IDE: variants seen among roughly 807,000 people sequenced by gnomAD.
IDE encodes insulin degrading enzyme.
Under a neutral mutation model 133.2 loss-of-function variants are expected in IDE, and 58 were observed. That is an observed-to-expected ratio of 0.44 (90% CI 0.35 to 0.54). The LOEUF (loss-of-function observed/expected upper bound fraction) is 0.54. Ranked by LOEUF, IDE falls within the 20% of genes least tolerant of loss-of-function variation. The pLI, the probability that IDE is intolerant of heterozygous loss-of-function variation, is 0.00. For missense variants in IDE, 981 were observed against 1,234.0 expected (o/e 0.79, Z 3.07); for synonymous variants, 396 against 421.3 (o/e 0.94, Z 0.73).
intron 12 of IDE, among the ~76,000 whole-genome samples, chr10:92,489,026 A>C (rs904860929): frequency 6.6e-6 from 1 of 151,596 alleles, no homozygotes; most frequent in Non-Finnish European, 1.5e-5. Flanking sequence ...AAAAAAAAAA[A>C]CCAATTGTCA....
Position 92,510,077 on chromosome 10 carries a change from T to C in IDE, c.870A>G (p.Glu290=). The change falls in exon 6 of 25, where the codon GAA becomes GAG. Residue 290 remains glutamate (E), a synonymous_variant. Transcript: ENST00000265986. ...TAAGATGTTCTTCTTGGAAAGGGTG[T>C]TCAGGAAATTCTGGCAATGGAACAT... The part of the protein sequence containing the change: ...NKNVPLPEFP[E]HPFQEEHLKQ... The C allele has an allele frequency of 6.3e-7, 1 of 1,598,644 alleles. No homozygotes were observed. The highest frequency in any genetic ancestry group is 8.6e-7 in the Non-Finnish European group (1 of 1,167,774).
intron 21 of IDE, among the ~76,000 whole-genome samples, chr10:92,462,317 TAAA>T (rs57235158): frequency 4.0e-5 from 3 of 75,164 alleles, no homozygotes; most frequent in African/African-American, 5.0e-5. Flanking sequence ...AACTGTCTCA[TAAA>T]AAAAAAAAAA....
intron 12 of IDE, among the ~76,000 whole-genome samples, chr10:92,489,550 T>A (rs920548119): frequency 6.6e-6 from 1 of 152,022 alleles, no homozygotes; most frequent in African/African-American, 2.4e-5. Context: ...AAATTCCCAT[T>A]CAGGGCAGGT....
chr10:92,455,515 T>G, intron 24 of IDE, 61 bp downstream of exon 24: 1 of 1,046,082 alleles, frequency 9.6e-7, no homozygotes, highest in Admixed American at 2.1e-5. Context: ...AAAACCAAGC[T>G]GCTTCTTCTA....
intron 4 of IDE, among the ~76,000 whole-genome samples, chr10:92,530,125 C>T (rs1849835261): frequency 6.6e-6 from 1 of 151,968 alleles, no homozygotes; most frequent in African/African-American, 2.4e-5. Context: ...ACTCAGGAGG[C>T]TGAGGCAGGA....
At chr10:92,515,314 C>T (rs1472793209) in intron 4 of IDE, among the ~76,000 whole-genome samples, 1 of 146,850 alleles carries the variant, frequency 6.8e-6, no homozygotes, top group Admixed American at 6.9e-5. Flanking sequence ...GGCTGGAGTG[C>T]GGTGGTGTGA....
At chr10:92,491,616 T>TG (rs543332072) in intron 11 of IDE, among the ~76,000 whole-genome samples, 94 of 106,980 alleles carry the variant, frequency 8.8e-4, no homozygotes, top group African/African-American at 3.7e-3. Flanking sequence ...TTTGTTTTTG[T>TG]TTTTTTTTTT....
chr10:92,455,474 C>CCATTTCAAAAA (rs1844944454), intron 24 of IDE, 102 bp downstream of exon 24: 3 of 736,554 alleles, frequency 4.1e-6, no homozygotes, highest in Non-Finnish European at 7.2e-6. Flanking sequence ...GAGTGAGACT[C>CCATTTCAAAAA]CATTTCAAAA....
intron 1 of IDE, among the ~76,000 whole-genome samples, chr10:92,558,077 T>C (rs1056363107): frequency 3.3e-5 from 5 of 152,026 alleles, no homozygotes; most frequent in Non-Finnish European, 7.4e-5. Context: ...TTTGAGATAG[T>C]GTTTTGCTCT....
intron 1 of IDE, among the ~76,000 whole-genome samples, chr10:92,540,585 A>C (rs1252588498): frequency 3.3e-5 from 5 of 152,124 alleles, no homozygotes; most frequent in Non-Finnish European, 7.3e-5. Flanking sequence ...TGATAGTTAT[A>C]CTCAATTTCC....
chr10:92,476,469 C>T (rs1165067540), intron 15 of IDE, among the ~76,000 whole-genome samples: 1 of 152,052 alleles, frequency 6.6e-6, no homozygotes, highest in Non-Finnish European at 1.5e-5. Flanking sequence ...GCCACCATGC[C>T]CAGCCTTAAC....
chr10:92,521,189 A>G (rs1263953381), intron 4 of IDE, among the ~76,000 whole-genome samples: 1 of 152,190 alleles, frequency 6.6e-6, no homozygotes, highest in African/African-American at 2.4e-5. Context: ...GAAAAACCAA[A>G]ATTAGGGAGG....
chr10:92,485,416 G>A (rs755563070), intron 13 of IDE, among the ~76,000 whole-genome samples: 1 of 152,076 alleles, frequency 6.6e-6, no homozygotes, highest in Non-Finnish European at 1.5e-5. Context: ...ACTGCATCTG[G>A]CCTAACTTAA....
chr10:92,568,978 T>C (rs1301973491), intron 1 of IDE, among the ~76,000 whole-genome samples: 1 of 152,136 alleles, frequency 6.6e-6, no homozygotes, highest in African/African-American at 2.4e-5. Flanking sequence ...CTATATACTC[T>C]GGCATGTACA....
At chr10:92,470,672 C>T (rs11187016) in intron 17 of IDE, among the ~76,000 whole-genome samples, 26,657 of 151,856 alleles carry the variant, frequency 0.18, 2,704 homozygotes, top group African/African-American at 0.26. Context: ...TTTCTCAGTC[C>T]TTCCATATAT....
At chr10:92,464,949 C>T (rs1690118527) in intron 20 of IDE, among the ~76,000 whole-genome samples, 1 of 152,208 alleles carries the variant, frequency 6.6e-6, no homozygotes, top group Admixed American at 6.5e-5. Flanking sequence ...GGATTATAGG[C>T]GTGAGCCACC....
chr10:92,568,270 T>C (rs1843643230), intron 1 of IDE, among the ~76,000 whole-genome samples: 1 of 152,170 alleles, frequency 6.6e-6, no homozygotes, highest in South Asian at 2.1e-4. Flanking sequence ...TAGGCCTATC[T>C]TACAGAATTT....
chr10:92,519,149 C>T (rs923792374), intron 4 of IDE, among the ~76,000 whole-genome samples: 2 of 152,118 alleles, frequency 1.3e-5, no homozygotes, highest in Non-Finnish European at 2.9e-5. Context: ...GGACTCTTGG[C>T]TTCTGAGTGA....
chr10:92,533,123 T>C (rs1850034646), intron 3 of IDE, among the ~76,000 whole-genome samples: 1 of 152,170 alleles, frequency 6.6e-6, no homozygotes, highest in Non-Finnish European at 1.5e-5. Context: ...TAAAGGATCA[T>C]GTTATGACAC....
Sources: gnomAD v4.1 joint callset for allele counts (sites outside exome capture counted in the v4.1 genomes callset) on GRCh38, gnomAD v4.1.1 for gene constraint, MANE v1.5 for transcripts, NCBI Gene and HGNC (gene_info 2026-07-23, HGNC 2026-07-21) for gene names.